Variants in TCF7L1 observed in about 807,000 individuals in gnomAD.
The protein encoded by TCF7L1 is transcription factor 7-like 1.
TCF7L1 carries 18 observed loss-of-function variants against 63.7 expected under a neutral mutation model. That is an observed-to-expected ratio of 0.28 (90% CI 0.20 to 0.42). The LOEUF is 0.42. TCF7L1 is among the 10% of genes least tolerant of loss of function. TCF7L1 has a pLI of 1.00. For synonymous variants in TCF7L1, 355 were observed against 340.9 expected, an observed-to-expected ratio of 1.04 and a Z score of -0.46; for missense variants, 654 against 779.3, an observed-to-expected ratio of 0.84 and a Z score of 1.91.
chr2:85,162,098 G>GTCCCAGCCTGTA (rs1678300523), intron 3 of TCF7L1, among the ~76,000 whole-genome samples: 5 of 151,920 alleles, frequency 3.3e-5, no homozygotes, highest in Non-Finnish European at 5.9e-5. Flanking sequence ...GGCTGGGTGT[G>GTCCCAGCCTGTA]GTGATGCATG....
At chr2:85,189,762 A>G (rs1474619165) in intron 3 of TCF7L1, among the ~76,000 whole-genome samples, 5 of 152,188 alleles carry the variant, frequency 3.3e-5, no homozygotes, top group Admixed American at 1.3e-4. Flanking sequence ...ATTCAGGGGC[A>G]TTCATGCGCC....
chr2:85,138,604 G>A (rs1414119109), intron 3 of TCF7L1, among the ~76,000 whole-genome samples: 1 of 152,112 alleles, frequency 6.6e-6, no homozygotes, highest in Admixed American at 6.6e-5. Flanking sequence ...TGGATTGCTG[G>A]GGTGATATTG....
At chr2:85,276,502 G>A (rs1032228088) in intron 3 of TCF7L1, among the ~76,000 whole-genome samples, 6 of 152,208 alleles carry the variant, frequency 3.9e-5, no homozygotes, top group South Asian at 2.1e-4. Context: ...TACTATAACC[G>A]TATTATAAAT....
rs1474356816 is a variant in TCF7L1, at chr2:85,133,475, C to G, written c.-210C>G. 6.7e-6 allele frequency: 1 copy of G among 150,264 alleles called. No individual in the cohort carries two copies. Among genetic ancestry groups the G allele is most frequent in the African/African-American group, 2.4e-5 (1 of 41,138 alleles). The allele number at this position is 150,264 out of a possible 1,614,324, so 9.3% of individuals were successfully genotyped here. A position where few individuals can be genotyped will look rare whatever the true frequency, so the allele number is the denominator to read the frequency against. Reference sequence around the variant, plus strand: ...GTGGCGAGTTGGGGAGCCCTAGGCTCGGCGCTGCCGGAGGGGCCCGAGCCG... The same window carrying G: ...GTGGCGAGTTGGGGAGCCCTAGGCTGGGCGCTGCCGGAGGGGCCCGAGCCG... On this transcript the variant is annotated 5_prime_UTR_variant, in exon 1 of 12. Transcript: ENST00000282111. This position sits in a 1 kb window ranked among gnomAD's most constrained non-coding sequence, Gnocchi z 4.4.
At position 85,134,514 on chromosome 2, in the gene TCF7L1, G is replaced by T; in HGVS notation, c.441+64G>T. 1.3e-6 allele frequency: 2 copies of T among 1,532,656 alleles called. No individual in the cohort carries two copies. The highest frequency in any genetic ancestry group is 1.8e-6 in the Non-Finnish European group (2 of 1,138,888). The allele number at this position is 1,532,656 out of a possible 1,614,324, so 94.9% of individuals were successfully genotyped here. On this transcript the variant is annotated intron_variant, in intron 3 of 11. Coordinates refer to ENST00000282111, the MANE Select transcript of TCF7L1 (RefSeq NM_031283.3). The surrounding 1 kb of genome is among the most constrained non-coding windows in gnomAD (Gnocchi z 5.0). The stretch of plus-strand genomic sequence containing the variant: ...CGCGGCCCGCAGGATGCGCCCCCGG[G>T]CTTGGCCATGGAGTGGGGGATGGGG...
intron 3 of TCF7L1, among the ~76,000 whole-genome samples, chr2:85,192,603 G>A (rs573372870): frequency 2.2e-4 from 33 of 151,882 alleles, no homozygotes; most frequent in Non-Finnish European, 4.1e-4. Flanking sequence ...GGCTGGTCTC[G>A]AACTCCTGGC....
intron 3 of TCF7L1, among the ~76,000 whole-genome samples, chr2:85,178,418 A>G (rs912918509): frequency 1.3e-5 from 2 of 152,030 alleles, no homozygotes; most frequent in South Asian, 2.1e-4. Context: ...CCTTCCATCT[A>G]TCTCCCCTTA....
rs368226554 is a variant in TCF7L1 at position 85,134,277 on chromosome 2, C to T, written c.314-46C>T. On this transcript the variant is annotated intron_variant, in intron 2 of 11. Transcript: ENST00000282111. This position sits in a 1 kb window ranked among gnomAD's most constrained non-coding sequence, Gnocchi z 5.0. Reference sequence around the variant, plus strand: ...CTCGAGCCCCCTGCCGCGGCGCTGTCAGTCCCGGGGGCCTGGGCCTCACCT... The same window carrying T: ...CTCGAGCCCCCTGCCGCGGCGCTGTTAGTCCCGGGGGCCTGGGCCTCACCT... The T allele has an allele frequency of 2.0e-6, 3 of 1,527,678 alleles. No homozygotes were observed. Among genetic ancestry groups the T allele is most frequent in the African/African-American group, 1.4e-5 (1 of 71,996 alleles). The allele number at this position is 1,527,678 out of a possible 1,614,324, so 94.6% of individuals were successfully genotyped here. A position where few individuals can be genotyped will look rare whatever the true frequency, so the allele number is the denominator to read the frequency against.
At chr2:85,240,551 C>T (rs572876257) in intron 3 of TCF7L1, among the ~76,000 whole-genome samples, 167 of 151,576 alleles carry the variant, frequency 1.1e-3, no homozygotes, top group African/African-American at 3.8e-3. Context: ...GTGGGTGGAT[C>T]GCCTGAGGTC....
At chr2:85,211,720 C>T (rs1027515908) in intron 3 of TCF7L1, among the ~76,000 whole-genome samples, 3 of 152,138 alleles carry the variant, frequency 2.0e-5, no homozygotes, top group African/African-American at 4.8e-5. Flanking sequence ...GACCTATGCC[C>T]GTGGGCCCAC....
chr2:85,262,233 C>T, intron 3 of TCF7L1: 1 of 552,014 alleles, frequency 1.8e-6, no homozygotes, highest in Non-Finnish European at 3.7e-6. Flanking sequence ...AATCTGCGAT[C>T]TATTTTGTAA....
At chr2:85,182,369 G>C (rs1678825033) in intron 3 of TCF7L1, among the ~76,000 whole-genome samples, 1 of 152,190 alleles carries the variant, frequency 6.6e-6, no homozygotes, top group Non-Finnish European at 1.5e-5. Flanking sequence ...TGCTGGCCTG[G>C]GGTGCCAGGG....
At chr2:85,290,664 T>C (rs1681686377) in intron 4 of TCF7L1, among the ~76,000 whole-genome samples, 1 of 152,100 alleles carries the variant, frequency 6.6e-6, no homozygotes, top group Non-Finnish European at 1.5e-5. Context: ...TGTGTTAGGG[T>C]TCTCCAGGGA....
intron 3 of TCF7L1, among the ~76,000 whole-genome samples, chr2:85,159,767 C>A (rs986639474): frequency 6.6e-6 from 1 of 152,250 alleles, no homozygotes. Context: ...GTCCCTCTCA[C>A]AGCAGGCCTG....
intron 3 of TCF7L1, among the ~76,000 whole-genome samples, chr2:85,200,590 A>G (rs1023346742): frequency 1.3e-5 from 2 of 152,198 alleles, no homozygotes; most frequent in Non-Finnish European, 2.9e-5. Context: ...ATATCAAGCA[A>G]TTCAACTTTT....
At chr2:85,193,899 T>G (rs1679092201) in intron 3 of TCF7L1, among the ~76,000 whole-genome samples, 1 of 151,964 alleles carries the variant, frequency 6.6e-6, no homozygotes, top group Non-Finnish European at 1.5e-5. Context: ...GTGAGTGGTA[T>G]GTGGAAGTTC....
chr2:85,256,020 G>T (rs190101124), intron 3 of TCF7L1, among the ~76,000 whole-genome samples: 5 of 152,310 alleles, frequency 3.3e-5, no homozygotes, highest in Non-Finnish European at 7.3e-5. Context: ...TGTGCAAACA[G>T]CGGGGAGCAT....
intron 3 of TCF7L1, among the ~76,000 whole-genome samples, chr2:85,160,601 T>C (rs1303945577): frequency 6.6e-6 from 1 of 152,090 alleles, no homozygotes; most frequent in African/African-American, 2.4e-5. Context: ...CCTGTAATCC[T>C]AGCACTTTCG....
chr2:85,242,629 T>TATATA (rs1173384582), intron 3 of TCF7L1, among the ~76,000 whole-genome samples: 9 of 152,204 alleles, frequency 5.9e-5, no homozygotes, highest in African/African-American at 2.2e-4. Context: ...GTGCACACCC[T>TATATA]GTATAGAAGG....
Sources: gnomAD v4.1 joint callset for allele counts (sites outside exome capture counted in the v4.1 genomes callset) on GRCh38, gnomAD v4.1.1 for gene constraint, Gnocchi (gnomAD v3.1) non-coding constraint, MANE v1.5 for transcripts, NCBI Gene and HGNC (gene_info 2026-07-23, HGNC 2026-07-21) for gene names.